Variants in IGSF21 observed in about 807,000 individuals in gnomAD.
IGSF21 encodes immunoglobin superfamily member 21, also known as immunoglobulin superfamily member 21.
A neutral mutation model predicts 46.8 loss-of-function variants in IGSF21; 28 were observed. The observed-to-expected ratio is 0.60, with a 90% CI of 0.44 to 0.82. The LOEUF (loss-of-function observed/expected upper bound fraction) is 0.82, where lower values mean the gene tolerates loss of function less well. Ranked by LOEUF, IGSF21 falls within the 40% of genes least tolerant of loss-of-function variation. IGSF21 has a pLI of 0.00. For missense variants in IGSF21, 624 were observed against 665.5 expected (o/e 0.94, Z 0.69); for synonymous variants, 284 against 273.6 (o/e 1.04, Z -0.38).
At chr1:18,177,337 G>A (rs972309366) in intron 1 of IGSF21, among the ~76,000 whole-genome samples, 4 of 32,360 alleles carry the variant, frequency 1.2e-4, no homozygotes, top group Non-Finnish European at 2.3e-4. Context: ...CCCTGAGCAT[G>A]TACCCAGAGA....
chr1:18,134,535 G>A (rs1330917610), intron 1 of IGSF21, among the ~76,000 whole-genome samples: 57 of 152,190 alleles, frequency 3.7e-4, no homozygotes, highest in Non-Finnish European at 1.0e-4. Context: ...TGAGACATAA[G>A]CATTTAGGCA....
chr1:18,232,305 CT>C (rs1415612713), intron 2 of IGSF21, among the ~76,000 whole-genome samples: 3 of 148,066 alleles, frequency 2.0e-5, no homozygotes, highest in Non-Finnish European at 3.0e-5. Flanking sequence ...TAAGTTGGGA[CT>C]TGGTTCAAGA....
chr1:18,235,804 A>C (rs1248563997), intron 2 of IGSF21, among the ~76,000 whole-genome samples: 3 of 152,144 alleles, frequency 2.0e-5, no homozygotes, highest in Non-Finnish European at 4.4e-5. Context: ...CTGGGTGGAG[A>C]ATGGTTTGCA....
chr1:18,220,583 T>G (rs183458390), intron 1 of IGSF21, among the ~76,000 whole-genome samples: 1 of 152,068 alleles, frequency 6.6e-6, no homozygotes, highest in Non-Finnish European at 1.5e-5. Flanking sequence ...AAACAGTTCA[T>G]GGCCTGTGTT....
chr1:18,137,257 A>G lies in IGSF21; in HGVS notation c.70+29059A>G, dbSNP rs530460703. On this transcript the variant is annotated intron_variant, in intron 1 of 9. Coordinates refer to ENST00000251296, the MANE Select transcript of IGSF21 (RefSeq NM_032880.5). ...CACACAAGAACTCACTCACTATGCA[A>G]AAATAGTACCAACTTGGGATGGTGT... 1.2e-3 allele frequency among the ~76,000 whole-genome samples: 176 copies of G among 152,266 alleles called. 3 individuals carry two copies. Among genetic ancestry groups the G allele is most frequent in the Admixed American group, 0.011 (167 of 15,286 alleles).
rs1201262070 is a variant in IGSF21 at position 18,109,108 on chromosome 1, C to T, written c.70+910C>T. ...CTCCGGAGCCAGTGAGAGGTGGCTC[C>T]GCAGCCCCAGGGTCCGCGGCCGGCC... On this transcript the variant is annotated intron_variant, in intron 1 of 9. Coordinates refer to ENST00000251296, the MANE Select transcript of IGSF21 (RefSeq NM_032880.5). This position sits in a 1 kb window ranked among gnomAD's most constrained non-coding sequence, Gnocchi z 4.8. 2.6e-5 allele frequency among the ~76,000 whole-genome samples: 4 copies of T among 151,766 alleles called. No individual in the cohort carries two copies. The highest frequency in any genetic ancestry group is 7.3e-5 in the African/African-American group (3 of 41,324).
At chr1:18,256,977 A>G (rs538085166) in intron 2 of IGSF21, among the ~76,000 whole-genome samples, 2 of 152,136 alleles carry the variant, frequency 1.3e-5, no homozygotes, top group East Asian at 3.9e-4. Context: ...TAGCTCACCC[A>G]TCTCAGTTGC....
intron 3 of IGSF21, among the ~76,000 whole-genome samples, chr1:18,295,335 G>C (rs1455790188): frequency 6.6e-6 from 1 of 152,232 alleles, no homozygotes; most frequent in African/African-American, 2.4e-5. Context: ...AGGCTATTTA[G>C]TTGAGCACCT....
chr1:18,361,749 G>C, intron 4 of IGSF21: 1 of 181,154 alleles, frequency 5.5e-6, no homozygotes, highest in Non-Finnish European at 1.2e-5. Flanking sequence ...CTCAGATCAC[G>C]GCAGCAATGT....
intron 1 of IGSF21, among the ~76,000 whole-genome samples, chr1:18,176,772 A>G (rs2086803049): frequency 6.6e-6 from 1 of 152,174 alleles, no homozygotes; most frequent in African/African-American, 2.4e-5. Flanking sequence ...ACAATGTTAC[A>G]AGTCATTGGT....
intron 1 of IGSF21, among the ~76,000 whole-genome samples, chr1:18,158,689 G>A (rs1410497260): frequency 6.6e-6 from 1 of 152,134 alleles, no homozygotes; most frequent in Admixed American, 6.5e-5. Context: ...AAGGCCCTGG[G>A]CTTGTGTTCA....
rs1182387151 is a variant in IGSF21 at position 18,334,536 on chromosome 1, T to A, written c.306-356T>A. On this transcript the variant is annotated intron_variant, in intron 3 of 9. Coordinates refer to ENST00000251296, the MANE Select transcript of IGSF21 (RefSeq NM_032880.5). This position sits in a 1 kb window ranked among gnomAD's most constrained non-coding sequence, Gnocchi z 4.3. ...GTGACAGTTTTGGTCCCATACTGCA[T>A]GCAGCGACATACTAAATGCCCATAC... Among the ~76,000 whole-genome samples, 1 of 152,150 alleles carries A rather than the reference T, an allele frequency of 6.6e-6. No homozygotes were observed. Among genetic ancestry groups the A allele is most frequent in the Non-Finnish European group, 1.5e-5 (1 of 68,016 alleles).
chr1:18,326,090 T>C (rs547537884), intron 3 of IGSF21, among the ~76,000 whole-genome samples: 21 of 152,284 alleles, frequency 1.4e-4, no homozygotes, highest in Non-Finnish European at 7.4e-5. Flanking sequence ...ATGTGTCTTA[T>C]TAGCAAACAT....
intron 2 of IGSF21, among the ~76,000 whole-genome samples, chr1:18,252,768 G>A (rs1041396665): frequency 6.6e-6 from 1 of 152,096 alleles, no homozygotes; most frequent in Admixed American, 6.5e-5. Context: ...GGGGCCGGGG[G>A]TACAAAGATC....
chr1:18,327,983 G>T (rs940221874), intron 3 of IGSF21, among the ~76,000 whole-genome samples: 1 of 152,184 alleles, frequency 6.6e-6, no homozygotes, highest in Non-Finnish European at 1.5e-5. Context: ...AAACCCCTAA[G>T]ACTCGACAGG....
chr1:18,364,822 G>C (rs961607004), intron 5 of IGSF21, among the ~76,000 whole-genome samples: 1 of 152,150 alleles, frequency 6.6e-6, no homozygotes, highest in Non-Finnish European at 1.5e-5. Context: ...CTCCCTGAGT[G>C]GGCATGGACC....
At chr1:18,377,198 G>A (rs1453919121) in intron 8 of IGSF21, among the ~76,000 whole-genome samples, 195 bp from the exon 9 acceptor site, 2 of 152,166 alleles carry the variant, frequency 1.3e-5, no homozygotes, top group African/African-American at 4.8e-5. Flanking sequence ...AGAACCTTAG[G>A]CAAACTGCTT....
At position 18,107,816 on chromosome 1, in the gene IGSF21, G is replaced by A. The variant is rs1422430124; in HGVS notation, c.-313G>A. On this transcript the variant is annotated 5_prime_UTR_variant, in exon 1 of 10. Transcript: ENST00000251296. ...AGAGCGCGATTCGGCTCCAAACTCCGGCGCTGCAGCCGATCGGACTCTGGG... is the reference window on the plus strand; with the variant it reads ...AGAGCGCGATTCGGCTCCAAACTCCAGCGCTGCAGCCGATCGGACTCTGGG... The A allele has an allele frequency of 6.4e-6, 1 of 155,188 alleles. No individual in the cohort carries two copies. Among genetic ancestry groups the A allele is most frequent in the Non-Finnish European group, 1.4e-5 (1 of 70,240 alleles). 9.6% of individuals were successfully genotyped at this position (155,188 alleles called of 1,614,324 possible). A position where few individuals can be genotyped will look rare whatever the true frequency, so the allele number is the denominator to read the frequency against.
rs549487127 is a variant in IGSF21, at chr1:18,335,087, A to C, written c.424+77A>C. The C allele has an allele frequency of 1.5e-3, 1,694 of 1,148,302 alleles. 15 individuals carry two copies. The highest frequency in any genetic ancestry group is 1.4e-3 in the Non-Finnish European group (1,093 of 762,098). 71.1% of individuals were successfully genotyped at this position (1,148,302 alleles called of 1,614,324 possible). On this transcript the variant is annotated intron_variant, in intron 4 of 9. Transcript: ENST00000251296. The surrounding 1 kb of genome is among the most constrained non-coding windows in gnomAD (Gnocchi z 4.8). ...CTTGAGTGTGTGAATGTGCGCACAG[A>C]GTGGCCATCCTGGGGGCCATCCACC...
Sources: allele counts gnomAD v4.1 joint callset (sites outside exome capture counted in the v4.1 genomes callset), GRCh38; gene constraint gnomAD v4.1.1; non-coding constraint Gnocchi (gnomAD v3.1); transcripts MANE v1.5; gene names NCBI Gene and HGNC (gene_info 2026-07-23, HGNC 2026-07-21).